ANO10: variants seen among roughly 807,000 people sequenced by gnomAD.
ANO10 encodes anoctamin 10.
Under a neutral mutation model 74.7 loss-of-function variants are expected in ANO10, and 77 were observed. The ratio of observed to expected loss-of-function variants is 1.03; its 90% CI spans 0.86 to 1.25. ANO10 has a LOEUF of 1.25. Among genes scored for constraint, ANO10 ranks in the 50% most tolerant of loss-of-function variants. The probability of loss-of-function intolerance (pLI) is 0.00; values close to 1 mark genes in which losing one functional copy is unlikely to be tolerated. For synonymous variants in ANO10, 279 were observed against 284.9 expected, an observed-to-expected ratio of 0.98 and a Z score of 0.21; for missense variants, 721 against 778.1, an observed-to-expected ratio of 0.93 and a Z score of 0.87.
intron 12 of ANO10, among the ~76,000 whole-genome samples, chr3:43,380,415 C>T (rs996108220): frequency 1.4e-3 from 220 of 152,270 alleles, no homozygotes; most frequent in African/African-American, 3.4e-3. Context: ...AGGAAAGAAT[C>T]TTAAGAGCTG....
intron 11 of ANO10, among the ~76,000 whole-genome samples, chr3:43,467,121 G>A (rs1021679269): frequency 6.6e-6 from 1 of 152,062 alleles, no homozygotes; most frequent in African/African-American, 2.4e-5. Context: ...TAGAACAACT[G>A]GAACTCTCAA....
intron 1 of ANO10, among the ~76,000 whole-genome samples, chr3:43,643,690 T>C (rs1276818101): frequency 1.4e-5 from 2 of 148,074 alleles, no homozygotes; most frequent in African/African-American, 5.1e-5. Context: ...TTTCTTTTTT[T>C]TTTTTTTTTT....
intron 11 of ANO10, among the ~76,000 whole-genome samples, chr3:43,512,332 C>T (rs911755495): frequency 1.3e-5 from 2 of 152,136 alleles, no homozygotes; most frequent in African/African-American, 4.8e-5. Context: ...CCCAACTCTG[C>T]CTTTGTCACT....
chr3:43,495,824 C>T (rs561928630), intron 11 of ANO10, among the ~76,000 whole-genome samples: 15 of 152,150 alleles, frequency 9.9e-5, no homozygotes, highest in Admixed American at 6.5e-4. Context: ...CTCAGCCTCC[C>T]GAGTAGCTGG....
At chr3:43,598,392 G>T (rs905969555) in intron 4 of ANO10, 140 bp downstream of exon 4, 3 of 806,102 alleles carry the variant, frequency 3.7e-6, no homozygotes, top group Non-Finnish European at 3.9e-6. Context: ...ATATACTGAG[G>T]TTCCAAAGGG....
intron 10 of ANO10, among the ~76,000 whole-genome samples, chr3:43,554,406 T>C (rs1318095091): frequency 6.6e-6 from 1 of 152,100 alleles, no homozygotes; most frequent in Non-Finnish European, 1.5e-5. Context: ...TTGGCCAGGC[T>C]GGTCTCGAAC....
intron 12 of ANO10, among the ~76,000 whole-genome samples, chr3:43,406,550 G>A (rs1223957574): frequency 1.3e-5 from 2 of 152,104 alleles, no homozygotes; most frequent in Non-Finnish European, 2.9e-5. Context: ...CCTTCTGTAC[G>A]CATATGACTG....
chr3:43,572,995 C>CA (rs1026148703), intron 7 of ANO10, among the ~76,000 whole-genome samples: 3 of 141,672 alleles, frequency 2.1e-5, no homozygotes, highest in Non-Finnish European at 4.6e-5. Context: ...TAACCAACGG[C>CA]TTTTTTTTTT....
At chr3:43,616,134 C>T (rs1441744110) in intron 1 of ANO10, among the ~76,000 whole-genome samples, 1 of 152,180 alleles carries the variant, frequency 6.6e-6, no homozygotes, top group Non-Finnish European at 1.5e-5. Flanking sequence ...CATCTTCCAT[C>T]CCGCACCTAT....
At chr3:43,430,633 T>C (rs1219156436) in intron 12 of ANO10, among the ~76,000 whole-genome samples, 1 of 152,148 alleles carries the variant, frequency 6.6e-6, no homozygotes, top group Non-Finnish European at 1.5e-5. Flanking sequence ...ATGCTCTCTA[T>C]TCCACTGATT....
At chr3:43,637,260 G>C (rs960643377) in intron 1 of ANO10, among the ~76,000 whole-genome samples, 11 of 152,068 alleles carry the variant, frequency 7.2e-5, no homozygotes, top group African/African-American at 2.4e-4. Flanking sequence ...CTGAGGTCAG[G>C]AGTTCAAGAC....
At chr3:43,511,915 C>G (rs1262771520) in intron 11 of ANO10, among the ~76,000 whole-genome samples, 1 of 152,142 alleles carries the variant, frequency 6.6e-6, no homozygotes, top group African/African-American at 2.4e-5. Flanking sequence ...TTTTCCTGAG[C>G]AATGCACACA....
intron 11 of ANO10, among the ~76,000 whole-genome samples, chr3:43,489,955 T>C (rs1017457262): frequency 6.6e-6 from 1 of 152,238 alleles, no homozygotes; most frequent in Non-Finnish European, 1.5e-5. Context: ...TATTCTGTTA[T>C]AACGAATCAC....
chr3:43,565,694 A>C lies in ANO10; in HGVS notation c.1252T>G (p.Tyr418Asp). 5 of 1,576,398 alleles carry C rather than the reference A, an allele frequency of 3.2e-6. No homozygotes were observed. The highest frequency in any genetic ancestry group is 4.3e-6 in the Non-Finnish European group (5 of 1,159,812). ...ATATCTTTCAAGACAAAGGCAATAT[A>C]GAAGAGTGAGGCAAAGCAATTGAGG... ...NFLNCFASLF[Y>D]IAFVLKDMKL... The change falls in exon 8 of 13, where the codon TAT (tyrosine) becomes GAT (aspartate). Residue 418 changes from tyrosine to aspartate, a missense_variant. Tyr to Asp is a radical substitution (Grantham distance 160). Coordinates refer to ENST00000292246, the MANE Select transcript of ANO10 (RefSeq NM_018075.5).
intron 1 of ANO10, among the ~76,000 whole-genome samples, chr3:43,678,536 A>G (rs2084151789): frequency 6.6e-6 from 1 of 152,142 alleles, no homozygotes; most frequent in Admixed American, 6.5e-5. Flanking sequence ...TTCCATTCTG[A>G]TTACCGGTGC....
At chr3:43,668,074 AC>A (rs1217849525) in intron 1 of ANO10, among the ~76,000 whole-genome samples, 1 of 151,962 alleles carries the variant, frequency 6.6e-6, no homozygotes, top group African/African-American at 2.4e-5. Context: ...TTCCCTTTTC[AC>A]CACATCCACA....
At chr3:43,654,822 G>C (rs1369595302) in intron 1 of ANO10, among the ~76,000 whole-genome samples, 1 of 152,088 alleles carries the variant, frequency 6.6e-6, no homozygotes, top group Non-Finnish European at 1.5e-5. Context: ...GAAAAAATTG[G>C]CCCTACCTCT....
chr3:43,555,294 T>C lies in ANO10; in HGVS notation c.1652A>G (p.Asn551Ser), dbSNP rs765556700. 6.8e-6 allele frequency: 11 copies of C among 1,613,992 alleles called. No individual in the cohort carries two copies. The highest frequency in any genetic ancestry group is 4.5e-5 in the East Asian group (2 of 44,884). ...AACAATTACCTGCCACACACCAATA[T>C]TGGCTGAAGGTTCTGAGAATGGACG... ...FKRPFSEPSA[N>S]IGVWQLAFET... The change falls in exon 10 of 13, where the codon AAT (asparagine) becomes AGT (serine). Residue 551 changes from asparagine to serine, a missense_variant. Physicochemically the swap from Asn to Ser is conservative, Grantham distance 46. Transcript: ENST00000292246.
intron 1 of ANO10, chr3:43,653,135 C>A (rs769284267): frequency 2.0e-5 from 3 of 152,064 alleles, no homozygotes; most frequent in East Asian, 1.9e-4. Context: ...CACTTGAACC[C>A]GGGAGGTACA....
Sources: allele counts gnomAD v4.1 joint callset (sites outside exome capture counted in the v4.1 genomes callset), GRCh38; gene constraint gnomAD v4.1.1; transcripts MANE v1.5; gene names NCBI Gene and HGNC (gene_info 2026-07-23, HGNC 2026-07-21).